ZXDA: variants seen among roughly 807,000 people sequenced by gnomAD.
ZXDA encodes zinc finger X-linked protein ZXDA.
A neutral mutation model predicts 10.1 loss-of-function variants in ZXDA; 5 were observed. The observed-to-expected ratio is 0.50, with a 90% CI of 0.26 to 1.04. The LOEUF is 1.04. ZXDA is among the 50% of genes least tolerant of loss of function. The pLI, the probability that ZXDA is intolerant of heterozygous loss-of-function variation, is 0.14. For missense variants in ZXDA, 501 were observed against 672.4 expected (o/e 0.75, Z 2.82); for synonymous variants, 266 against 313.1 (o/e 0.85, Z 1.59).
rs1223506490 is a variant in ZXDA, at chrX:57,906,443, G to A, written c.*1578C>T. On this transcript the variant is annotated 3_prime_UTR_variant, in exon 1 of 1. Transcript: ENST00000358697. ...TGGGCCATAAGAAGAATGGCTGAGAGATGGTGACCATGAAAGAGACGTGTC... is the reference window on the plus strand; with the variant it reads ...TGGGCCATAAGAAGAATGGCTGAGAAATGGTGACCATGAAAGAGACGTGTC... Among the ~76,000 whole-genome samples the A allele has an allele frequency of 8.9e-6, 1 of 111,816 alleles. No homozygotes were observed. Among genetic ancestry groups the A allele is most frequent in the Non-Finnish European group, 1.9e-5 (1 of 53,165 alleles).
rs555338425 is a variant in ZXDA at position 57,909,731 on chromosome X, G to C, written c.690C>G (p.Ala230=). ...GAGCAGGCGCGGGTTCTGCGGGCTC[G>C]GCTAGCAGGAGGTCGGACCGCAGCT... ...CPELRSDLLL[A]EPAEPAPAPA... is the part of the protein sequence containing the mutation. Residue 230 remains alanine, a synonymous_variant, in exon 1 of 1, where the codon GCC becomes GCG. Coordinates refer to ENST00000358697, the MANE Select transcript of ZXDA (RefSeq NM_007156.5). The C allele has an allele frequency of 5.1e-6, 6 of 1,185,784 alleles. No individual in the cohort carries two copies. In the African/African-American group the frequency reaches 8.8e-5, roughly 17 times the overall value.
chrX:57,909,305 C>T lies in ZXDA; in HGVS notation c.1116G>A (p.Gln372=), dbSNP rs768427923. Residue 372 remains glutamine, a synonymous_variant, in exon 1 of 1, where the codon CAG becomes CAA. Coordinates refer to ENST00000358697, the MANE Select transcript of ZXDA (RefSeq NM_007156.5). The part of the protein sequence containing the change: ...CEVCEESFPT[Q]AKLGAHQRSH... Reference sequence around the variant, plus strand: ...TGCGCTGGTGGGCGCCGAGTTTGGCCTGCGTGGGGAAGCTCTCCTCGCACA... The same window carrying T: ...TGCGCTGGTGGGCGCCGAGTTTGGCTTGCGTGGGGAAGCTCTCCTCGCACA... The T allele has an allele frequency of 1.7e-6, 2 of 1,211,824 alleles. No homozygotes were observed. The highest frequency in any genetic ancestry group is 4.3e-5 in the Admixed American group (2 of 46,080).
rs1603108359 is a variant in ZXDA, at chrX:57,910,027, G to A, written c.394C>T (p.Pro132Ser). 3.5e-6 allele frequency: 4 copies of A among 1,127,512 alleles called. No individual in the cohort carries two copies. The highest frequency in any genetic ancestry group is 4.6e-6 in the Non-Finnish European group (4 of 860,881). The allele number at this position is 1,127,512 out of a possible 1,213,427, so 92.9% of individuals were successfully genotyped here. Residue 132 changes from proline (P) to serine (S), a missense_variant, in exon 1 of 1, where the codon CCC becomes TCC. Transcript: ENST00000358697. Reference protein sequence around the residue: ...GLQGDESGANPAGCSAQGPHC... With the variant: ...GLQGDESGANSAGCSAQGPHC... ...GGGCCCTGCGCAGAGCAGCCCGCGG[G>A]GTTCGCGCCGCTCTCGTCCCCCTGG...
In ZXDA at chrX:57,909,271, C is replaced by T; in HGVS notation, c.1150G>A (p.Glu384Lys). 8.3e-7 allele frequency: 1 copy of T among 1,212,046 alleles called. No individual in the cohort carries two copies. Among genetic ancestry groups the T allele is most frequent in the East Asian group, 3.0e-5 (1 of 33,821 alleles). ...GCGCACTGGTAAGGCCTCTCGGGTT[C>T]GAAGTGGCTGCGCTGGTGGGCGCCG... ...KLGAHQRSHF[E>K]PERPYQCAFS... The change falls in exon 1 of 1, where the codon GAA becomes AAA. Residue 384 changes from glutamate (E) to lysine (K), a missense_variant. Coordinates refer to ENST00000358697, the MANE Select transcript of ZXDA (RefSeq NM_007156.5).
Position 57,908,925 on chromosome X carries a change from C to G in ZXDA, c.1496G>C (p.Gly499Ala), listed in dbSNP as rs778800784. The change falls in exon 1 of 1, where the codon GGC becomes GCC. Residue 499 changes from glycine (G) to alanine (A), a missense_variant. Transcript: ENST00000358697. ...KSFTRAEHLK[G>A]HSITHLGTKP... Reference sequence around the variant, plus strand: ...TGTGCCCAGGTGGGTAATGCTGTGGCCTTTCAGATGTTCGGCCCTCGTGAA... The same window carrying G: ...TGTGCCCAGGTGGGTAATGCTGTGGGCTTTCAGATGTTCGGCCCTCGTGAA... 1 of 1,209,452 alleles carries G rather than the reference C, an allele frequency of 8.3e-7. No individual in the cohort carries two copies. Among genetic ancestry groups the G allele is most frequent in the East Asian group, 3.0e-5 (1 of 33,730 alleles).
chrX:57,906,493 T>C lies in ZXDA; in HGVS notation c.*1528A>G, dbSNP rs2014364230. On this transcript the variant is annotated 3_prime_UTR_variant, in exon 1 of 1. Coordinates refer to ENST00000358697, the MANE Select transcript of ZXDA (RefSeq NM_007156.5). The stretch of plus-strand genomic sequence containing the variant: ...CTAATTTAAATGTAAGTAAAAGAGA[T>C]TCATGGCAAGGACTGGTGTACACCT... 9.0e-6 allele frequency among the ~76,000 whole-genome samples: 1 copy of C among 111,270 alleles called. No individual in the cohort carries two copies. Among genetic ancestry groups the C allele is most frequent in the Admixed American group, 9.5e-5 (1 of 10,490 alleles).
Position 57,908,048 on chromosome X carries a change from A to G in ZXDA, c.2373T>C (p.Thr791=), listed in dbSNP as rs1484602159. ...HGSQKERNLI[T]VTGSSFLV is the part of the protein sequence containing the mutation. ...ATACCAAAAATGAGCTGCCAGTCAC[A>G]GTGATAAGATTTCTTTCTTTCTGAG... The change falls in exon 1 of 1, where the codon ACT becomes ACC. Residue 791 remains threonine, a synonymous_variant. Transcript: ENST00000358697. 1 of 1,208,821 alleles carries G rather than the reference A, an allele frequency of 8.3e-7. No homozygotes were observed.
Position 57,905,665 on chromosome X carries a change from T to G in ZXDA, c.*2356A>C. ...GGACAACAGTATTGAAAAAGAAATC[T>G]TTTGAAAAAATTGAACAAAAGAAAC... On this transcript the variant is annotated 3_prime_UTR_variant, in exon 1 of 1. Coordinates refer to ENST00000358697, the MANE Select transcript of ZXDA (RefSeq NM_007156.5). Among the ~76,000 whole-genome samples, 1 of 111,613 alleles carries G rather than the reference T, an allele frequency of 9.0e-6. No individual in the cohort carries two copies. Among genetic ancestry groups the G allele is most frequent in the Middle Eastern group, 4.6e-3 (1 of 216 alleles).
rs780676211 is a variant in ZXDA, at chrX:57,908,458, C to G, written c.1963G>C (p.Ala655Pro). 2.7e-6 allele frequency: 3 copies of G among 1,104,979 alleles called. No individual in the cohort carries two copies. Among genetic ancestry groups the G allele is most frequent in the Non-Finnish European group, 3.7e-6 (3 of 812,914 alleles). 91.1% of individuals were successfully genotyped at this position (1,104,979 alleles called of 1,213,427 possible). ...GCCATCAAGGACGGAGGGTCCACAG[C>G]CTGCCCTACGGAATTATTATTATTA... Reference protein sequence around the residue: ...PANNNNSVGQAVDPPSLMATS... With the variant: ...PANNNNSVGQPVDPPSLMATS... Residue 655 changes from alanine to proline, a missense_variant, in exon 1 of 1, where the codon GCT becomes CCT. This residue lies in a region of ZXDA where 18 missense variants were observed against 92.7 expected (regional missense o/e 0.19). Coordinates refer to ENST00000358697, the MANE Select transcript of ZXDA (RefSeq NM_007156.5).
chrX:57,908,508 G>C lies in ZXDA; in HGVS notation c.1913C>G (p.Ser638Trp), dbSNP rs1197946277. 8.8e-7 allele frequency: 1 copy of C among 1,136,552 alleles called. No individual in the cohort carries two copies. The highest frequency in any genetic ancestry group is 2.3e-5 in the Admixed American group (1 of 43,453). 93.7% of individuals were successfully genotyped at this position (1,136,552 alleles called of 1,213,427 possible). A position where few individuals can be genotyped will look rare whatever the true frequency, so the allele number is the denominator to read the frequency against. The stretch of plus-strand genomic sequence containing the variant: ...AGCAGGGAGGTGCCCTGCCAGAGTC[G>C]AGCTCACAGAAGCCACATCAATAGT... ...ILTIDVASVSSTLAGHLPANN... is the reference protein window; with the variant it reads ...ILTIDVASVSWTLAGHLPANN... The change falls in exon 1 of 1, where the codon TCG (serine) becomes TGG (tryptophan). Residue 638 changes from serine (S) to tryptophan (W), a missense_variant. Coordinates refer to ENST00000358697, the MANE Select transcript of ZXDA (RefSeq NM_007156.5).
At position 57,905,917 on chromosome X, in the gene ZXDA, T is replaced by A. The variant is rs931706128; in HGVS notation, c.*2104A>T. Among the ~76,000 whole-genome samples the A allele has an allele frequency of 3.7e-4, 41 of 111,873 alleles. No individual in the cohort carries two copies. The highest frequency in any genetic ancestry group is 6.2e-4 in the Non-Finnish European group (33 of 53,122). ...GCGTTCACCTCAGGCCTCTGCATTTTCTATAGGAAAATAATAATAATCTAT... is the reference window on the plus strand; with the variant it reads ...GCGTTCACCTCAGGCCTCTGCATTTACTATAGGAAAATAATAATAATCTAT... On this transcript the variant is annotated 3_prime_UTR_variant, in exon 1 of 1. Transcript: ENST00000358697.
rs758033672 is a variant in ZXDA, at chrX:57,909,658, G to T, written c.763C>A (p.Arg255Ser). Reference sequence around the variant, plus strand: ...CCTGGACCAGAGCCCAGCAGTCCGCGGGGGCCCAGGGCGGCGGCCAGGCCC... The same window carrying T: ...CCTGGACCAGAGCCCAGCAGTCCGCTGGGGCCCAGGGCGGCGGCCAGGCCC... ...AEGLAAALGP[R>S]GLLGSGPGVV... Residue 255 changes from arginine to serine, a missense_variant, in exon 1 of 1, where the codon CGC (arginine) becomes AGC (serine). This residue lies in a region of ZXDA where 251 missense variants were observed against 221.6 expected (regional missense o/e 1.13). Transcript: ENST00000358697. 5.9e-6 allele frequency: 7 copies of T among 1,185,478 alleles called. No individual in the cohort carries two copies. Among genetic ancestry groups the T allele is most frequent in the Non-Finnish European group, 7.9e-6 (7 of 882,549 alleles).
At position 57,909,019 on chromosome X, in the gene ZXDA, A is replaced by G. The variant is rs1469999062; in HGVS notation, c.1402T>C (p.Leu468=). ...TCGTCGTGCTTCCTTTTGTGCCTTA[A>G]GAGTTTGGACATGCTGGTGAAGTTC... ...GWNFTSMSKL[L]RHKRKHDDDR... Residue 468 remains leucine (L), a synonymous_variant, in exon 1 of 1, where the codon TTA becomes CTA. Coordinates refer to ENST00000358697, the MANE Select transcript of ZXDA (RefSeq NM_007156.5). 1.4e-5 allele frequency: 17 copies of G among 1,209,520 alleles called. No homozygotes were observed. The highest frequency in any genetic ancestry group is 1.9e-5 in the Non-Finnish European group (17 of 895,152).
rs2014410314 is a variant in ZXDA at position 57,910,034 on chromosome X, G to A, written c.387C>T (p.Gly129=). 4 of 1,141,672 alleles carry A rather than the reference G, an allele frequency of 3.5e-6. No homozygotes were observed. The highest frequency in any genetic ancestry group is 4.6e-6 in the Non-Finnish European group (4 of 868,745). 94.1% of individuals were successfully genotyped at this position (1,141,672 alleles called of 1,213,427 possible). A position where few individuals can be genotyped will look rare whatever the true frequency, so the allele number is the denominator to read the frequency against. The part of the protein sequence containing the change: ...AGPGLQGDES[G]ANPAGCSAQG... ...GCGCAGAGCAGCCCGCGGGGTTCGC[G>A]CCGCTCTCGTCCCCCTGGAGCCCCG... Residue 129 remains glycine, a synonymous_variant, in exon 1 of 1, where the codon GGC becomes GGT. Transcript: ENST00000358697.
At position 57,909,016 on chromosome X, in the gene ZXDA, T is replaced by C; in HGVS notation, c.1405A>G (p.Arg469Gly). Reference protein sequence around the residue: ...WNFTSMSKLLRHKRKHDDDRR... With the variant: ...WNFTSMSKLLGHKRKHDDDRR... The stretch of plus-strand genomic sequence containing the variant: ...TCATCGTCGTGCTTCCTTTTGTGCC[T>C]TAAGAGTTTGGACATGCTGGTGAAG... Residue 469 changes from arginine (R) to glycine (G), a missense_variant, in exon 1 of 1, where the codon AGG becomes GGG. By Grantham distance (125) the Arg-to-Gly change is moderately radical. This residue lies in a region of ZXDA where 171 missense variants were observed against 262.7 expected (regional missense o/e 0.65). Transcript: ENST00000358697. The C allele has an allele frequency of 8.3e-7, 1 of 1,211,648 alleles. No individual in the cohort carries two copies. Among genetic ancestry groups the C allele is most frequent in the Non-Finnish European group, 1.1e-6 (1 of 895,467 alleles).
rs372817398 is a variant in ZXDA, at chrX:57,909,149, G to A, written c.1272C>T (p.Phe424=). The change falls in exon 1 of 1, where the codon TTC becomes TTT. Residue 424 remains phenylalanine (F), a synonymous_variant. Transcript: ENST00000358697. ...FREQELFSCS[F]PGCSKQYDKA... is the part of the protein sequence containing the mutation. Reference sequence around the variant, plus strand: ...TGTCATATTGCTTGCTGCAGCCAGGGAAAGAGCAGGAAAACAGTTCCTGTT... The same window carrying A: ...TGTCATATTGCTTGCTGCAGCCAGGAAAAGAGCAGGAAAACAGTTCCTGTT... The A allele has an allele frequency of 7.6e-4, 916 of 1,209,909 alleles. 1 individual carries two copies. The highest frequency in any genetic ancestry group is 2.1e-3 in the South Asian group (121 of 56,792).
chrX:57,909,639 C>A lies in ZXDA; in HGVS notation c.782G>T (p.Gly261Val). 8.4e-7 allele frequency: 1 copy of A among 1,196,089 alleles called. No homozygotes were observed. The highest frequency in any genetic ancestry group is 1.1e-6 in the Non-Finnish European group (1 of 888,055). The change falls in exon 1 of 1, where the codon GGT becomes GTT. Residue 261 changes from glycine (G) to valine (V), a missense_variant. Gly to Val is a moderately radical substitution (Grantham distance 109). Transcript: ENST00000358697. ...ALGPRGLLGS[G>V]PGVVLYLCPE... Reference sequence around the variant, plus strand: ...GCACAGGTACAGCACCACGCCTGGACCAGAGCCCAGCAGTCCGCGGGGGCC... The same window carrying A: ...GCACAGGTACAGCACCACGCCTGGAACAGAGCCCAGCAGTCCGCGGGGGCC...
rs777272902 is a variant in ZXDA, at chrX:57,909,740, G to A, written c.681C>T (p.Leu227=). The change falls in exon 1 of 1, where the codon CTC becomes CTT. Residue 227 remains leucine (L), a synonymous_variant. Transcript: ENST00000358697. ...PGDCPELRSD[L]LLAEPAEPAP... ...CGGGTTCTGCGGGCTCGGCTAGCAG[G>A]AGGTCGGACCGCAGCTCTGGGCAGT... 8.2e-5 allele frequency: 98 copies of A among 1,189,389 alleles called. No individual in the cohort carries two copies. The highest frequency in any genetic ancestry group is 1.1e-4 in the Non-Finnish European group (95 of 885,721).
In ZXDA at chrX:57,909,136, T is replaced by C; in HGVS notation, c.1285A>G (p.Lys429Glu). 8.3e-7 allele frequency: 1 copy of C among 1,211,750 alleles called. No homozygotes were observed. Among genetic ancestry groups the C allele is most frequent in the East Asian group, 3.0e-5 (1 of 33,828 alleles). The change falls in exon 1 of 1, where the codon AAG becomes GAG. Residue 429 changes from lysine to glutamate, a missense_variant. By Grantham distance (56) the Lys-to-Glu change is moderately conservative. Coordinates refer to ENST00000358697, the MANE Select transcript of ZXDA (RefSeq NM_007156.5). ...AGCCTACAAGCCTTGTCATATTGCT[T>C]GCTGCAGCCAGGGAAAGAGCAGGAA... ...LFSCSFPGCS[K>E]QYDKACRLKI...
Sources: gnomAD v4.1 joint callset for allele counts (sites outside exome capture counted in the v4.1 genomes callset) on GRCh38, gnomAD v4.1.1 for gene constraint, gnomAD v4.1.1 regional missense constraint, MANE v1.5 for transcripts, NCBI Gene and HGNC (gene_info 2026-07-23, HGNC 2026-07-21) for gene names.